PDE4B: variants seen among roughly 807,000 people sequenced by gnomAD.
The protein encoded by PDE4B is 3',5'-cyclic-AMP phosphodiesterase 4B.
A neutral mutation model predicts 82.2 loss-of-function variants in PDE4B; 20 were observed. That is an observed-to-expected ratio of 0.24 (90% CI 0.17 to 0.35). PDE4B has a LOEUF of 0.35. Among genes scored for constraint, PDE4B ranks in the 10% least tolerant of loss-of-function variants. The probability of loss-of-function intolerance (pLI) is 1.00; values close to 1 mark genes in which losing one functional copy is unlikely to be tolerated. For missense variants in PDE4B, 655 were observed against 907.2 expected, an observed-to-expected ratio of 0.72 and a Z score of 3.57; for synonymous variants, 320 against 318.9, an observed-to-expected ratio of 1.00 and a Z score of -0.04.
intron 3 of PDE4B, among the ~76,000 whole-genome samples, chr1:66,214,059 G>A (rs1347066373): frequency 6.6e-6 from 1 of 152,098 alleles, no homozygotes. Flanking sequence ...GAGACATCAG[G>A]CCAAACATAC....
At chr1:66,108,739 AT>A (rs1645424388) in intron 3 of PDE4B, among the ~76,000 whole-genome samples, 2 of 151,952 alleles carry the variant, frequency 1.3e-5, no homozygotes, top group Non-Finnish European at 2.9e-5. Flanking sequence ...TATTAATGAC[AT>A]TATGGTATCT....
intron 7 of PDE4B, among the ~76,000 whole-genome samples, chr1:66,286,930 T>C (rs754903282): frequency 1.3e-5 from 2 of 152,134 alleles, no homozygotes; most frequent in African/African-American, 2.4e-5. Flanking sequence ...TTGAAGAAAC[T>C]TGAAGAAATC....
intron 3 of PDE4B, among the ~76,000 whole-genome samples, chr1:65,937,797 A>G (rs1648237464): frequency 1.3e-5 from 2 of 152,184 alleles, no homozygotes; most frequent in African/African-American, 4.8e-5. Flanking sequence ...ATATTAGAAT[A>G]TGGGAAGTGC....
chr1:66,372,285 A>G, intron 16 of PDE4B, 28 bp from the exon 17 acceptor site: 2 of 1,574,704 alleles, frequency 1.3e-6, no homozygotes, highest in Non-Finnish European at 1.7e-6. Context: ...CATCACAATA[A>G]CAGATGTGTC....
chr1:66,216,982 G>C (rs1264539326), intron 3 of PDE4B, among the ~76,000 whole-genome samples: 1 of 152,094 alleles, frequency 6.6e-6, no homozygotes, highest in African/African-American at 2.4e-5. Flanking sequence ...TTGCATTTGA[G>C]ATCAAATAAA....
At chr1:66,213,275 C>G (rs992815786) in intron 3 of PDE4B, among the ~76,000 whole-genome samples, 1 of 152,106 alleles carries the variant, frequency 6.6e-6, no homozygotes, top group Non-Finnish European at 1.5e-5. Context: ...TGTTTTTGCT[C>G]CCTTCAGAGA....
At chr1:65,894,722 T>G (rs2100398385) in intron 1 of PDE4B, among the ~76,000 whole-genome samples, 1 of 152,120 alleles carries the variant, frequency 6.6e-6, no homozygotes, top group East Asian at 1.9e-4. Context: ...GAACATCATT[T>G]CACAAAAGAA....
intron 1 of PDE4B, among the ~76,000 whole-genome samples, chr1:65,818,685 C>CATATAT (rs58193032): frequency 0.17 from 24,182 of 143,540 alleles, 2,441 homozygotes; most frequent in Non-Finnish European, 0.23. Flanking sequence ...CACACACACA[C>CATATAT]ATATATATAT....
chr1:66,297,844 A>G (rs1657618127), intron 7 of PDE4B, among the ~76,000 whole-genome samples: 1 of 152,148 alleles, frequency 6.6e-6, no homozygotes, highest in Non-Finnish European at 1.5e-5. Flanking sequence ...GTAATTCATC[A>G]TGGTGTAGGT....
At chr1:66,212,542 T>C (rs1650139993) in intron 3 of PDE4B, among the ~76,000 whole-genome samples, 1 of 152,100 alleles carries the variant, frequency 6.6e-6, no homozygotes, top group East Asian at 1.9e-4. Context: ...CGTTTTACTT[T>C]TTTGTAAAAG....
chr1:65,958,248 T>A (rs181935327), intron 3 of PDE4B, among the ~76,000 whole-genome samples: 336 of 152,194 alleles, frequency 2.2e-3, no homozygotes, highest in African/African-American at 7.0e-3. Flanking sequence ...ATGGTTTTTT[T>A]AAAAAATTTA....
At chr1:66,046,232 C>T (rs1557521769) in intron 3 of PDE4B, 1 of 151,604 alleles carries the variant, frequency 6.6e-6, no homozygotes, top group Non-Finnish European at 1.5e-5. Flanking sequence ...TTACCTTGAG[C>T]AGCAGGAACA....
At chr1:66,187,715 C>A (rs1478201863) in intron 3 of PDE4B, among the ~76,000 whole-genome samples, 1 of 151,620 alleles carries the variant, frequency 6.6e-6, no homozygotes, top group Non-Finnish European at 1.5e-5. Context: ...CTGTTTGATT[C>A]TTCTCTCTTT....
Position 65,935,363 on chromosome 1 carries a change from GA to G in PDE4B, c.281+16541del, listed in dbSNP as rs575271511. ...AACATACCAAAACTTATGGGATGCA[GA>G]AAAAAAAAAAAAGAATGTGATATGC... On this transcript the variant is annotated intron_variant, in intron 3 of 16. Coordinates refer to ENST00000341517, the MANE Select transcript of PDE4B (RefSeq NM_002600.4). Among the ~76,000 whole-genome samples, 413 of 133,726 alleles carry G rather than the reference GA, an allele frequency of 3.1e-3. 2 individuals carry two copies. Among genetic ancestry groups the G allele is most frequent in the Admixed American group, 4.7e-3 (63 of 13,472 alleles). 87.7% of individuals were successfully genotyped at this position (133,726 alleles called of 152,430 possible). A position where few individuals can be genotyped will look rare whatever the true frequency, so the allele number is the denominator to read the frequency against.
intron 3 of PDE4B, among the ~76,000 whole-genome samples, chr1:66,087,900 G>T (rs913415224): frequency 2.7e-5 from 4 of 149,704 alleles, no homozygotes; most frequent in Non-Finnish European, 4.5e-5. Context: ...GATAGCATTG[G>T]GAGATATACC....
chr1:66,303,987 G>A (rs1658088114), intron 7 of PDE4B, among the ~76,000 whole-genome samples: 1 of 152,100 alleles, frequency 6.6e-6, no homozygotes. Flanking sequence ...TATGTTATCA[G>A]AACCACATGC....
chr1:65,825,558 T>C (rs1646003846), intron 1 of PDE4B, among the ~76,000 whole-genome samples: 1 of 152,034 alleles, frequency 6.6e-6, no homozygotes. Flanking sequence ...TGAAAACATC[T>C]ATTGGGGCCA....
At chr1:65,939,276 G>A (rs1648317837) in intron 3 of PDE4B, among the ~76,000 whole-genome samples, 1 of 152,048 alleles carries the variant, frequency 6.6e-6, no homozygotes, top group African/African-American at 2.4e-5. Context: ...CTTCCTCCAA[G>A]TCTAGCTATA....
At chr1:65,809,345 A>G (rs1359798257) in intron 1 of PDE4B, among the ~76,000 whole-genome samples, 1 of 151,070 alleles carries the variant, frequency 6.6e-6, no homozygotes, top group Non-Finnish European at 1.5e-5. Context: ...AAAAAAAAAA[A>G]AAAAAAAAAA....
Sources: gnomAD v4.1 joint callset for allele counts (sites outside exome capture counted in the v4.1 genomes callset) on GRCh38, gnomAD v4.1.1 for gene constraint, MANE v1.5 for transcripts, NCBI Gene and HGNC (gene_info 2026-07-23, HGNC 2026-07-21) for gene names.